Variants in SGSM1 observed in about 807,000 individuals in gnomAD.
SGSM1 encodes RUN and TBC1 domain containing 2.
Under a neutral mutation model 133.8 loss-of-function variants are expected in SGSM1, and 73 were observed. The ratio of observed to expected loss-of-function variants is 0.55; its 90% CI spans 0.45 to 0.66. The LOEUF (loss-of-function observed/expected upper bound fraction) is 0.66. SGSM1 is among the 30% of genes least tolerant of loss of function. SGSM1 has a pLI of 0.00. For missense variants in SGSM1, 1,213 were observed against 1,448.1 expected (o/e 0.84, Z 2.64); for synonymous variants, 563 against 573.0 (o/e 0.98, Z 0.25).
intron 16 of SGSM1, among the ~76,000 whole-genome samples, chr22:24,892,320 C>A (rs1210767552): frequency 6.6e-6 from 1 of 152,088 alleles, no homozygotes; most frequent in Non-Finnish European, 1.5e-5. Context: ...TTTTCCCATC[C>A]TGGCTCTCCT....
At chr22:24,854,076 C>T (rs1041823811) in intron 5 of SGSM1, among the ~76,000 whole-genome samples, 6 of 152,108 alleles carry the variant, frequency 3.9e-5, no homozygotes, top group African/African-American at 1.4e-4. Context: ...CCCCTGGGTC[C>T]CTCCCACAAT....
rs36036968 is a variant in SGSM1 at position 24,877,802 on chromosome 22, CTTTTTTTTTTT to C, written c.1430+1103_1430+1113del. 1.5e-4 allele frequency among the ~76,000 whole-genome samples: 11 copies of C among 75,420 alleles called. No homozygotes were observed. The East Asian group carries it at 2.8e-3, about 19-fold the overall frequency. The allele number at this position is 75,420 out of a possible 152,430, so 49.5% of individuals were successfully genotyped here. A position where few individuals can be genotyped will look rare whatever the true frequency, so the allele number is the denominator to read the frequency against. On this transcript the variant is annotated intron_variant, in intron 13 of 24. Transcript: ENST00000400358. The stretch of plus-strand genomic sequence containing the variant: ...TAATATTACTGGAGATTCTTTCTTT[CTTTTTTTTTTT>C]TTTTTTTTTTTTTTTGAGACTGAGT...
intron 22 of SGSM1, among the ~76,000 whole-genome samples, chr22:24,915,253 T>TAAACAAACAAAC (rs1555939481): frequency 6.5e-5 from 9 of 139,428 alleles, no homozygotes; most frequent in African/African-American, 2.3e-4. Flanking sequence ...AATAAATAAA[T>TAAACAAACAAAC]AAACAAACAG....
chr22:24,810,182 G>A (rs1022126524), intron 2 of SGSM1, among the ~76,000 whole-genome samples: 1 of 152,082 alleles, frequency 6.6e-6, no homozygotes, highest in South Asian at 2.1e-4. Context: ...TGAAATTGCT[G>A]GCCTGTTCAC....
chr22:24,853,768 A>ATT (rs1569148543), intron 5 of SGSM1, among the ~76,000 whole-genome samples: 2 of 111,744 alleles, frequency 1.8e-5, no homozygotes, highest in East Asian at 5.0e-4. Flanking sequence ...ACGCCTGGTG[A>ATT]ATTTTTTTTT....
chr22:24,904,577 C>CAAAAAAAAAA (rs36019944), intron 20 of SGSM1, among the ~76,000 whole-genome samples: 1 of 115,206 alleles, frequency 8.7e-6, no homozygotes, highest in Non-Finnish European at 1.9e-5. Context: ...GACTCCGTCT[C>CAAAAAAAAAA]AAAAAAAAAA....
intron 18 of SGSM1, among the ~76,000 whole-genome samples, chr22:24,896,572 A>G: frequency 6.6e-6 from 1 of 151,738 alleles, no homozygotes; most frequent in East Asian, 1.9e-4. Flanking sequence ...TTGATTCATA[A>G]TAGTCAACCA....
At chr22:24,872,657 G>A (rs76948693) in intron 12 of SGSM1, among the ~76,000 whole-genome samples, 4,617 of 152,216 alleles carry the variant, frequency 0.03, 229 homozygotes, top group African/African-American at 0.11. Context: ...AGTGGCCCAC[G>A]CCTGTAATCC....
chr22:24,814,584 C>T (rs1161621072), intron 2 of SGSM1, among the ~76,000 whole-genome samples: 1 of 151,980 alleles, frequency 6.6e-6, no homozygotes. Flanking sequence ...TCAATTACCA[C>T]TATGCTATCA....
chr22:24,892,883 C>CT (rs1932838370), intron 16 of SGSM1, among the ~76,000 whole-genome samples: 1 of 86,806 alleles, frequency 1.2e-5, no homozygotes, highest in East Asian at 4.5e-4. Flanking sequence ...CCCGTCTCTA[C>CT]TAAAAAAAAA....
chr22:24,887,010 T>TG (rs1423392223), intron 16 of SGSM1, among the ~76,000 whole-genome samples: 1 of 152,238 alleles, frequency 6.6e-6, no homozygotes, highest in Non-Finnish European at 1.5e-5. Context: ...GGTAATATCT[T>TG]GTAAAACTGT....
intron 22 of SGSM1, among the ~76,000 whole-genome samples, chr22:24,915,102 G>C (rs544257399): frequency 6.6e-6 from 1 of 152,164 alleles, no homozygotes; most frequent in African/African-American, 2.4e-5. Flanking sequence ...GGTGGCGGGC[G>C]CCTGTAGTCC....
intron 2 of SGSM1, among the ~76,000 whole-genome samples, chr22:24,819,972 A>G (rs968885124): frequency 6.6e-6 from 1 of 152,026 alleles, no homozygotes; most frequent in Non-Finnish European, 1.5e-5. Context: ...GTCTTCGTGT[A>G]TCTTCCTCAT....
intron 2 of SGSM1, among the ~76,000 whole-genome samples, chr22:24,834,344 C>T (rs1929302115): frequency 6.6e-6 from 1 of 152,260 alleles, no homozygotes; most frequent in Non-Finnish European, 1.5e-5. Context: ...CATTCTTGTG[C>T]AGGGTTGGCC....
At chr22:24,835,447 G>A (rs1929370578) in intron 2 of SGSM1, among the ~76,000 whole-genome samples, 2 of 152,118 alleles carry the variant, frequency 1.3e-5, no homozygotes, top group African/African-American at 2.4e-5. Context: ...GAGCGTAGAG[G>A]CCATTACGTC....
At position 24,859,707 on chromosome 22, in the gene SGSM1, T is replaced by C; in HGVS notation, c.802-9T>C. 6.2e-7 allele frequency: 1 copy of C among 1,613,622 alleles called. No homozygotes were observed. The highest frequency in any genetic ancestry group is 8.5e-7 in the Non-Finnish European group (1 of 1,179,812). On this transcript the variant is annotated splice_polypyrimidine_tract_variant and intron_variant, in intron 8 of 24. Coordinates refer to ENST00000400358, the MANE Select transcript of SGSM1 (RefSeq NM_001098497.3). ...CCATGGCCAGACCTGAGTCCTCCTC[T>C]CTCTGCAGAGGGACGACATGGAGGC...
At chr22:24,891,561 T>A (rs9612804) in intron 16 of SGSM1, among the ~76,000 whole-genome samples, 1 of 151,992 alleles carries the variant, frequency 6.6e-6, no homozygotes, top group South Asian at 2.1e-4. Context: ...GTGAGGCCCC[T>A]CCACACTTCA....
At chr22:24,878,080 G>A (rs1205800197) in intron 13 of SGSM1, among the ~76,000 whole-genome samples, 1 of 151,882 alleles carries the variant, frequency 6.6e-6, no homozygotes, top group African/African-American at 2.4e-5. Flanking sequence ...CAAAGTGCTG[G>A]GATTACAGGC....
chr22:24,898,631 G>A, intron 19 of SGSM1, 72 bp downstream of exon 19: 1 of 1,434,458 alleles, frequency 7.0e-7, no homozygotes. Context: ...CTACAAGCCT[G>A]TTATCCAGAA....
Sources: allele counts gnomAD v4.1 joint callset (sites outside exome capture counted in the v4.1 genomes callset), GRCh38; gene constraint gnomAD v4.1.1; transcripts MANE v1.5; gene names NCBI Gene and HGNC (gene_info 2026-07-23, HGNC 2026-07-21).